Variants in ACTR3 observed in about 807,000 individuals in gnomAD.
ACTR3 encodes the protein actin related protein 3.
A neutral mutation model predicts 56.8 loss-of-function variants in ACTR3; 12 were observed. That is an observed-to-expected ratio of 0.21 (90% CI 0.14 to 0.34). ACTR3 has a LOEUF of 0.34. ACTR3 is among the 10% of genes least tolerant of loss of function. The probability of loss-of-function intolerance (pLI) is 1.00; values close to 1 mark genes in which losing one functional copy is unlikely to be tolerated. For missense variants in ACTR3, 282 were observed against 512.5 expected (o/e 0.55, Z 4.34); for synonymous variants, 162 against 167.4 (o/e 0.97, Z 0.25).
intron 2 of ACTR3, among the ~76,000 whole-genome samples, chr2:113,915,297 C>G (rs971791456): frequency 3.3e-5 from 5 of 152,164 alleles, no homozygotes; most frequent in African/African-American, 4.8e-5. Context: ...GGATCCTTGG[C>G]TGATAGATGC....
intron 1 of ACTR3, among the ~76,000 whole-genome samples, chr2:113,897,262 T>G (rs1166744471): frequency 6.6e-6 from 1 of 152,134 alleles, no homozygotes; most frequent in Non-Finnish European, 1.5e-5. Flanking sequence ...CTAATATTAG[T>G]TTGTGTGCTG....
chr2:113,918,229 G>A (rs942360135), intron 3 of ACTR3, among the ~76,000 whole-genome samples: 1 of 152,122 alleles, frequency 6.6e-6, no homozygotes, highest in African/African-American at 2.4e-5. Flanking sequence ...TGCACTTAAA[G>A]TGCAAATATT....
chr2:113,912,418 AATT>A (rs1462455906), intron 1 of ACTR3, among the ~76,000 whole-genome samples: 11 of 152,136 alleles, frequency 7.2e-5, no homozygotes, highest in Non-Finnish European at 1.2e-4. Flanking sequence ...CAGCTTTTAT[AATT>A]TCTAATCCTT....
rs901742869 is a variant in ACTR3 at position 113,913,919 on chromosome 2, C to T, written c.100+692C>T. Among the ~76,000 whole-genome samples, 3 of 152,142 alleles carry T rather than the reference C, an allele frequency of 2.0e-5. 1 individual carries two copies. In the South Asian group the frequency reaches 6.2e-4, roughly 32 times the overall value. ...ACACTTTTGACTTGCAAACAGTTCACGTTTTTTGTACATAATATAGTAACA... is the reference window on the plus strand; with the variant it reads ...ACACTTTTGACTTGCAAACAGTTCATGTTTTTTGTACATAATATAGTAACA... On this transcript the variant is annotated intron_variant, in intron 2 of 11. Coordinates refer to ENST00000263238, the MANE Select transcript of ACTR3 (RefSeq NM_005721.5).
Position 113,957,410 on chromosome 2 carries a change from A to G in ACTR3, c.1212A>G (p.Gly404=). 1 of 1,613,476 alleles carries G rather than the reference A, an allele frequency of 6.2e-7. No homozygotes were observed. Among genetic ancestry groups the G allele is most frequent in the African/African-American group, 1.3e-5 (1 of 74,984 alleles). The change falls in exon 12 of 12, where the codon GGA becomes GGG. Residue 404 remains glycine, a synonymous_variant. Transcript: ENST00000263238. ...CHTKKDYEEI[G]PSICRHNPVF... ...CCAAAAAGGATTATGAAGAAATTGG[A>G]CCTAGCATTTGTCGTCACAATCCAG...
intron 1 of ACTR3, among the ~76,000 whole-genome samples, chr2:113,898,872 G>T (rs1255433518): frequency 6.6e-6 from 1 of 152,134 alleles, no homozygotes; most frequent in Non-Finnish European, 1.5e-5. Context: ...CTGTGAGGTA[G>T]TTACTGTTAT....
chr2:113,899,210 A>G (rs1377343030), intron 1 of ACTR3, among the ~76,000 whole-genome samples: 1 of 152,174 alleles, frequency 6.6e-6, no homozygotes, highest in Non-Finnish European at 1.5e-5. Flanking sequence ...AATTCAGGGC[A>G]GCTCAAGGAA....
chr2:113,955,564 G>T, intron 10 of ACTR3, 59 bp from the exon 11 acceptor site: 2 of 1,249,082 alleles, frequency 1.6e-6, no homozygotes, highest in South Asian at 2.5e-5. Context: ...AAGGTTAAAT[G>T]ACACAGAAGT....
intron 1 of ACTR3, among the ~76,000 whole-genome samples, chr2:113,891,839 T>G (rs976202756): frequency 6.6e-6 from 1 of 152,148 alleles, no homozygotes; most frequent in African/African-American, 2.4e-5. Context: ...TGATGAACAC[T>G]TTATTTAAAA....
intron 1 of ACTR3, chr2:113,904,887 C>T (rs1430238145): frequency 6.6e-6 from 1 of 152,042 alleles, no homozygotes; most frequent in African/African-American, 2.4e-5. Context: ...TCTTTTGTTT[C>T]CTCCCTTCCT....
chr2:113,905,801 TCATC>T (rs1170322872), intron 1 of ACTR3, among the ~76,000 whole-genome samples: 2 of 152,156 alleles, frequency 1.3e-5, no homozygotes, highest in African/African-American at 4.8e-5. Context: ...TATTCAAGGT[TCATC>T]CATGTTGTAA....
chr2:113,890,132 C>G lies in ACTR3; in HGVS notation c.-148C>G. ...GCCGACCGAGCCTGCTGCTTTCTTG[C>G]TACTGCTTCGGCTTCCCGGCTACCC... On this transcript the variant is annotated 5_prime_UTR_variant, in exon 1 of 12. Transcript: ENST00000263238. 1 of 982,292 alleles carries G rather than the reference C, an allele frequency of 1.0e-6. No individual in the cohort carries two copies. Among genetic ancestry groups the G allele is most frequent in the South Asian group, 1.4e-5 (1 of 70,584 alleles). 60.8% of individuals were successfully genotyped at this position (982,292 alleles called of 1,614,324 possible).
rs1416166729 is a variant in ACTR3 at position 113,958,191 on chromosome 2, C to T, written c.*736C>T. 3.3e-5 allele frequency: 5 copies of T among 152,528 alleles called. No homozygotes were observed. The highest frequency in any genetic ancestry group is 2.1e-4 in the South Asian group (1 of 4,826). The allele number at this position is 152,528 out of a possible 1,614,324, so 9.4% of individuals were successfully genotyped here. A position where few individuals can be genotyped will look rare whatever the true frequency, so the allele number is the denominator to read the frequency against. ...TTTCTTATAAAAAACAAAACAACAA[C>T]AATAATTTATCAAAATTGGCATATT... is the stretch of plus-strand genomic sequence containing the variant. On this transcript the variant is annotated 3_prime_UTR_variant, in exon 12 of 12. Transcript: ENST00000263238.
chr2:113,951,382 G>T, intron 8 of ACTR3, 97 bp from the exon 9 acceptor site: 3 of 734,732 alleles, frequency 4.1e-6, no homozygotes, highest in South Asian at 1.8e-5. Flanking sequence ...TTTCTAAAAG[G>T]CCTTTTGTTT....
chr2:113,931,207 T>A, intron 4 of ACTR3, 94 bp from the exon 5 acceptor site: 2 of 680,126 alleles, frequency 2.9e-6, no homozygotes, highest in South Asian at 6.5e-5. Flanking sequence ...TTAAATAAAA[T>A]GTTTGAAATA....
intron 1 of ACTR3, among the ~76,000 whole-genome samples, chr2:113,907,711 A>G (rs944171260): frequency 2.4e-4 from 37 of 152,102 alleles, no homozygotes; most frequent in African/African-American, 8.7e-4. Context: ...GGTGGCTCAC[A>G]GCTGTAATCC....
intron 4 of ACTR3, among the ~76,000 whole-genome samples, chr2:113,930,011 T>C (rs1679690390): frequency 6.6e-6 from 1 of 152,136 alleles, no homozygotes; most frequent in East Asian, 1.9e-4. Context: ...GCCGTTCTGG[T>C]GGGTGTGTAC....
At chr2:113,899,086 T>C (rs1036618053) in intron 1 of ACTR3, among the ~76,000 whole-genome samples, 4 of 152,134 alleles carry the variant, frequency 2.6e-5, no homozygotes, top group Non-Finnish European at 5.9e-5. Flanking sequence ...ATGAAACATA[T>C]AGGGAGGTCT....
chr2:113,950,129 T>TA (rs1482434382), intron 8 of ACTR3, among the ~76,000 whole-genome samples: 1 of 152,232 alleles, frequency 6.6e-6, no homozygotes, highest in Non-Finnish European at 1.5e-5. Flanking sequence ...CCCATTAACA[T>TA]ATACCCTTGT....
Sources: allele counts gnomAD v4.1 joint callset (sites outside exome capture counted in the v4.1 genomes callset), GRCh38; gene constraint gnomAD v4.1.1; transcripts MANE v1.5; gene names NCBI Gene and HGNC (gene_info 2026-07-23, HGNC 2026-07-21).